Variants in EIPR1 observed in about 807,000 individuals in gnomAD.
The protein encoded by EIPR1 is EARP and GARP complex-interacting protein 1.
A neutral mutation model predicts 48.1 loss-of-function variants in EIPR1; 25 were observed. The observed-to-expected ratio is 0.52, with a 90% confidence interval of 0.38 to 0.73. The LOEUF (loss-of-function observed/expected upper bound fraction) is 0.73. Ranked by LOEUF, EIPR1 falls within the 30% of genes least tolerant of loss-of-function variation. EIPR1 has a pLI of 0.00. For missense variants in EIPR1, 415 were observed against 506.2 expected, an observed-to-expected ratio of 0.82 and a Z score of 1.73; for synonymous variants, 204 against 201.9, an observed-to-expected ratio of 1.01 and a Z score of -0.09.
chr2:3,297,398 G>A (rs1668634544), intron 3 of EIPR1, among the ~76,000 whole-genome samples: 1 of 152,226 alleles, frequency 6.6e-6, no homozygotes, highest in South Asian at 2.1e-4. Context: ...TAAGCACAGG[G>A]CTCAGCAGAT....
Position 3,213,854 on chromosome 2 carries a change from T to A in EIPR1, c.516+295A>T, listed in dbSNP as rs1009853444. On this transcript the variant is annotated intron_variant, in intron 5 of 8. Transcript: ENST00000382125. ...CAAAGGTCCCATTTATTAATTTTTTTATTTTTTTCATTACACTTTAAGTTC... is the reference window on the plus strand; with the variant it reads ...CAAAGGTCCCATTTATTAATTTTTTAATTTTTTTCATTACACTTTAAGTTC... Among the ~76,000 whole-genome samples, 5 of 152,360 alleles carry A rather than the reference T, an allele frequency of 3.3e-5. No homozygotes were observed. In the East Asian group the frequency reaches 9.6e-4, roughly 29 times the overall value.
intron 3 of EIPR1, among the ~76,000 whole-genome samples, chr2:3,279,720 T>C (rs1667961729): frequency 6.6e-6 from 1 of 152,224 alleles, no homozygotes; most frequent in Non-Finnish European, 1.5e-5. Flanking sequence ...GGCCTGCTCA[T>C]CTGTGCAACT....
rs1236436814 is a variant in EIPR1, at chr2:3,286,009, T to A, written c.260-28554A>T. 1.3e-5 allele frequency among the ~76,000 whole-genome samples: 2 copies of A among 152,164 alleles called. No homozygotes were observed. The highest frequency in any genetic ancestry group is 2.9e-5 in the Non-Finnish European group (2 of 68,028). ...GAAGCAGTGCCCTGCCCTGAGGACA[T>A]GGGGCAGCCGGCTGTAGGTGTTCCA... On this transcript the variant is annotated intron_variant, in intron 3 of 8. Coordinates refer to ENST00000382125, the MANE Select transcript of EIPR1 (RefSeq NM_003310.5). The surrounding 1 kb of genome is among the most constrained non-coding windows in gnomAD (Gnocchi z 4.2).
intron 3 of EIPR1, among the ~76,000 whole-genome samples, chr2:3,295,755 C>T (rs867770987): frequency 7.3e-6 from 1 of 136,648 alleles, no homozygotes; most frequent in Admixed American, 7.2e-5. Context: ...CCATCCAGCC[C>T]GTCCTCTCTC....
chr2:3,295,964 C>T (rs1291797909), intron 3 of EIPR1, among the ~76,000 whole-genome samples: 3 of 124,576 alleles, frequency 2.4e-5, no homozygotes, highest in Admixed American at 7.9e-5. Context: ...TCCAGCCCAT[C>T]CTCTCTCTGC....
chr2:3,377,800 C>T lies in EIPR1; in HGVS notation c.-111G>A. ...CCAGCGCCCATTCATTCCCTCCCCG[C>T]AGCAAACGACTCCAAACTGGAAGTC... is the stretch of plus-strand genomic sequence containing the variant. On this transcript the variant is annotated 5_prime_UTR_variant, in exon 1 of 9. Transcript: ENST00000382125. The T allele has an allele frequency of 1.7e-6, 2 of 1,184,130 alleles. No individual in the cohort carries two copies. 73.4% of individuals were successfully genotyped at this position (1,184,130 alleles called of 1,614,324 possible).
chr2:3,214,081 T>C lies in EIPR1; in HGVS notation c.516+68A>G, dbSNP rs148086210. 1.4e-4 allele frequency: 205 copies of C among 1,416,268 alleles called. No homozygotes were observed. The African/African-American group carries it at 2.6e-3, about 18-fold the overall frequency. 87.7% of individuals were successfully genotyped at this position (1,416,268 alleles called of 1,614,324 possible). On this transcript the variant is annotated intron_variant, in intron 5 of 8. Coordinates refer to ENST00000382125, the MANE Select transcript of EIPR1 (RefSeq NM_003310.5). The stretch of plus-strand genomic sequence containing the variant: ...GATCTCATTGTTCAATTCCCACCTA[T>C]GAGTGAGAACATGCGGGGTTTGGTT...
At chr2:3,257,827 T>C (rs1667209464) in intron 3 of EIPR1, among the ~76,000 whole-genome samples, 1 of 152,246 alleles carries the variant, frequency 6.6e-6, no homozygotes, top group South Asian at 2.1e-4. Flanking sequence ...GTGTCTAAGG[T>C]TGGCATTAAA....
chr2:3,244,520 A>T (rs1428062404), intron 4 of EIPR1, among the ~76,000 whole-genome samples: 1 of 152,226 alleles, frequency 6.6e-6, no homozygotes, highest in African/African-American at 2.4e-5. Context: ...AAGTATTAGG[A>T]GTCAGAGCCT....
At chr2:3,377,606 C>G in intron 1 of EIPR1, 42 bp downstream of exon 1, 1 of 1,556,530 alleles carries the variant, frequency 6.4e-7, no homozygotes, top group Non-Finnish European at 8.7e-7. Flanking sequence ...ATGCTATCAA[C>G]AGCCAGGCCG....
intron 5 of EIPR1, among the ~76,000 whole-genome samples, chr2:3,197,529 G>A (rs976830976): frequency 6.6e-6 from 1 of 152,210 alleles, no homozygotes; most frequent in Non-Finnish European, 1.5e-5. Context: ...AGCTGACCAT[G>A]AAGGCCTCAG....
chr2:3,375,132 A>G (rs1659828454), intron 1 of EIPR1, among the ~76,000 whole-genome samples: 3 of 151,338 alleles, frequency 2.0e-5, no homozygotes, highest in African/African-American at 7.3e-5. Flanking sequence ...TCGCAAGGAC[A>G]AAAAACCAAA....
chr2:3,220,942 A>C (rs1279404081), intron 4 of EIPR1, among the ~76,000 whole-genome samples: 1 of 149,400 alleles, frequency 6.7e-6, no homozygotes, highest in Non-Finnish European at 1.5e-5. Flanking sequence ...TACAGCATTT[A>C]TAGTCAGGTG....
intron 2 of EIPR1, among the ~76,000 whole-genome samples, chr2:3,352,763 G>A (rs1670617610): frequency 6.6e-6 from 1 of 152,256 alleles, no homozygotes; most frequent in Non-Finnish European, 1.5e-5. Flanking sequence ...TTGGGAGGCT[G>A]AGGCCAGCAG....
At chr2:3,270,649 A>C (rs1667677305) in intron 3 of EIPR1, among the ~76,000 whole-genome samples, 1 of 152,250 alleles carries the variant, frequency 6.6e-6, no homozygotes, top group African/African-American at 2.4e-5. Context: ...CTAAAAAACT[A>C]CTGGGAATAT....
intron 4 of EIPR1, among the ~76,000 whole-genome samples, chr2:3,234,570 G>A (rs996157612): frequency 2.6e-5 from 4 of 152,242 alleles, no homozygotes; most frequent in East Asian, 3.9e-4. Flanking sequence ...GCCCAGGGCC[G>A]TGGCGGTCAA....
At chr2:3,322,322 A>T (rs1669561339) in intron 3 of EIPR1, among the ~76,000 whole-genome samples, 1 of 152,148 alleles carries the variant, frequency 6.6e-6, no homozygotes, top group Non-Finnish European at 1.5e-5. Flanking sequence ...TTTGGGACTG[A>T]GTCTTCTCAT....
intron 4 of EIPR1, among the ~76,000 whole-genome samples, chr2:3,221,986 C>T (rs1018935920): frequency 1.3e-5 from 2 of 151,866 alleles, no homozygotes; most frequent in Non-Finnish European, 2.9e-5. Flanking sequence ...CAAATCCCCT[C>T]GCGGTTTTTT....
At chr2:3,306,926 C>T (rs1178790968) in intron 3 of EIPR1, among the ~76,000 whole-genome samples, 2 of 152,046 alleles carry the variant, frequency 1.3e-5, no homozygotes, top group African/African-American at 4.8e-5. Context: ...TTAGGATGTA[C>T]ATAAATATAC....
Sources: gnomAD v4.1 joint callset for allele counts (sites outside exome capture counted in the v4.1 genomes callset) on GRCh38, gnomAD v4.1.1 for gene constraint, Gnocchi (gnomAD v3.1) non-coding constraint, MANE v1.5 for transcripts, NCBI Gene and HGNC (gene_info 2026-07-23, HGNC 2026-07-21) for gene names.